Variants in TTBK2 observed in about 807,000 individuals in gnomAD.
TTBK2 encodes tau tubulin kinase 2.
A neutral mutation model predicts 110.8 loss-of-function variants in TTBK2; 28 were observed. The ratio of observed to expected loss-of-function variants is 0.25; its 90% CI spans 0.19 to 0.35. The LOEUF (loss-of-function observed/expected upper bound fraction) is 0.35, where lower values mean the gene tolerates loss of function less well. Ranked by LOEUF, TTBK2 falls within the 10% of genes least tolerant of loss-of-function variation. The pLI, the probability that TTBK2 is intolerant of heterozygous loss-of-function variation, is 1.00. For synonymous variants in TTBK2, 532 were observed against 527.3 expected, an observed-to-expected ratio of 1.01 and a Z score of -0.12; for missense variants, 1,369 against 1,500.3, an observed-to-expected ratio of 0.91 and a Z score of 1.45.
chr15:42,875,019 T>C lies in TTBK2; in HGVS notation c.70-2261A>G, dbSNP rs575721481. On this transcript the variant is annotated intron_variant, in intron 2 of 14. Coordinates refer to ENST00000267890, the MANE Select transcript of TTBK2 (RefSeq NM_173500.4). ...AAAAATTGATACTTATGATTCTTTA[T>C]ATTTTGTCCATTAAATAAAACCTAG... 9.2e-5 allele frequency among the ~76,000 whole-genome samples: 14 copies of C among 152,102 alleles called. No homozygotes were observed. In the East Asian group the frequency reaches 2.7e-3, roughly 29 times the overall value.
chr15:42,883,591 G>T (rs1337488618), intron 1 of TTBK2, among the ~76,000 whole-genome samples: 2 of 151,324 alleles, frequency 1.3e-5, no homozygotes, highest in African/African-American at 4.9e-5. Context: ...TACACAAAGA[G>T]ATATCAGGAA....
intron 9 of TTBK2, among the ~76,000 whole-genome samples, chr15:42,804,155 T>C (rs576316419): frequency 6.6e-6 from 1 of 152,154 alleles, no homozygotes; most frequent in South Asian, 2.1e-4. Flanking sequence ...ATTAAAAATA[T>C]TAACAATGGC....
intron 6 of TTBK2, among the ~76,000 whole-genome samples, chr15:42,823,403 G>A (rs1892392492): frequency 6.6e-6 from 1 of 152,138 alleles, no homozygotes; most frequent in South Asian, 2.1e-4. Context: ...CCTACTTAAT[G>A]TAACTAATAC....
At chr15:42,775,858 C>G in intron 12 of TTBK2, 135 bp from the exon 13 acceptor site, 1 of 686,552 alleles carries the variant, frequency 1.5e-6, no homozygotes, top group Non-Finnish European at 2.3e-6. Flanking sequence ...GAAAGTTTCA[C>G]AGCATTGATA....
intron 3 of TTBK2, among the ~76,000 whole-genome samples, chr15:42,866,678 C>G (rs1894384224): frequency 6.6e-6 from 1 of 151,754 alleles, no homozygotes; most frequent in Non-Finnish European, 1.5e-5. Flanking sequence ...TAAAACATAC[C>G]CTAACAAACT....
chr15:42,818,103 T>C (rs925386746), intron 6 of TTBK2, among the ~76,000 whole-genome samples: 1 of 152,174 alleles, frequency 6.6e-6, no homozygotes, highest in East Asian at 1.9e-4. Context: ...AGAGATGAGG[T>C]CTCGCTCTGT....
intron 9 of TTBK2, among the ~76,000 whole-genome samples, chr15:42,805,737 G>T (rs1450120513): frequency 6.6e-6 from 1 of 152,134 alleles, no homozygotes; most frequent in East Asian, 1.9e-4. Context: ...ATTGAGTTCT[G>T]ACTACTGGGC....
At chr15:42,897,922 G>C (rs1437662071) in intron 1 of TTBK2, among the ~76,000 whole-genome samples, 1 of 151,806 alleles carries the variant, frequency 6.6e-6, no homozygotes, top group Non-Finnish European at 1.5e-5. Flanking sequence ...AGGCGCAGCG[G>C]CTCATGGCAG....
At chr15:42,817,208 A>G in intron 6 of TTBK2, 111 bp from the exon 7 acceptor site, 1 of 622,498 alleles carries the variant, frequency 1.6e-6, no homozygotes, top group Non-Finnish European at 2.4e-6. Context: ...GTCACAATAA[A>G]ACACTATTTA....
chr15:42,802,222 G>C (rs1891249144), intron 9 of TTBK2: 1 of 907,200 alleles, frequency 1.1e-6, no homozygotes, highest in South Asian at 1.3e-5. Flanking sequence ...AGTGATGGTG[G>C]TGATGCCTCC....
intron 14 of TTBK2, among the ~76,000 whole-genome samples, chr15:42,749,139 G>A (rs1299261672): frequency 6.6e-6 from 1 of 152,170 alleles, no homozygotes; most frequent in Non-Finnish European, 1.5e-5. Flanking sequence ...TTGTGGCTTT[G>A]TTTCATTCTC....
In TTBK2 at chr15:42,840,627, T is replaced by C. The variant is rs754194314; in HGVS notation, c.218-194A>G. 7.3e-6 allele frequency: 5 copies of C among 682,962 alleles called. No homozygotes were observed. In the African/African-American group the frequency reaches 8.9e-5, roughly 12 times the overall value. The allele number at this position is 682,962 out of a possible 1,614,324, so 42.3% of individuals were successfully genotyped here. ...CCAGGCACTGTACTATTCCTTTGTGTGGTCAAATAAATGACTATTTGAATG... is the reference window on the plus strand; with the variant it reads ...CCAGGCACTGTACTATTCCTTTGTGCGGTCAAATAAATGACTATTTGAATG... On this transcript the variant is annotated intron_variant, in intron 3 of 14. Transcript: ENST00000267890.
At chr15:42,778,541 G>T (rs907875459) in intron 11 of TTBK2, among the ~76,000 whole-genome samples, 1 of 152,066 alleles carries the variant, frequency 6.6e-6, no homozygotes, top group African/African-American at 2.4e-5. Flanking sequence ...GGTGGCACAC[G>T]CCTGTAATCC....
At chr15:42,846,779 T>C (rs1166041379) in intron 3 of TTBK2, among the ~76,000 whole-genome samples, 2 of 152,036 alleles carry the variant, frequency 1.3e-5, no homozygotes, top group Non-Finnish European at 2.9e-5. Context: ...GAGGAGAGGA[T>C]TGGAACTTTC....
intron 6 of TTBK2, 26 bp from the exon 7 acceptor site, chr15:42,817,123 A>G: frequency 6.3e-7 from 1 of 1,590,758 alleles, no homozygotes; most frequent in Non-Finnish European, 8.6e-7. Flanking sequence ...GCAAAGAATA[A>G]TAAATGAGCT....
intron 13 of TTBK2, among the ~76,000 whole-genome samples, chr15:42,764,435 C>T (rs955198959): frequency 1.3e-5 from 2 of 152,262 alleles, no homozygotes; most frequent in South Asian, 2.1e-4. Context: ...TCTTAGCAAA[C>T]GGCACACCAG....
At chr15:42,804,030 A>AAAAAAAAG (rs1555426199) in intron 9 of TTBK2, among the ~76,000 whole-genome samples, 5 of 127,258 alleles carry the variant, frequency 3.9e-5, no homozygotes, top group African/African-American at 7.0e-5. Flanking sequence ...AAAAAAAAAA[A>AAAAAAAAG]AGAGAGAGAT....
At chr15:42,820,145 C>T (rs915589549) in intron 6 of TTBK2, among the ~76,000 whole-genome samples, 17 of 152,102 alleles carry the variant, frequency 1.1e-4, no homozygotes, top group Non-Finnish European at 4.4e-5. Flanking sequence ...GAAATAATAC[C>T]AGTTTGCATA....
intron 9 of TTBK2, among the ~76,000 whole-genome samples, chr15:42,802,835 C>A (rs1361238673): frequency 6.6e-6 from 1 of 152,166 alleles, no homozygotes; most frequent in African/African-American, 2.4e-5. Flanking sequence ...AATCAGTGGG[C>A]TGGGGAAGGC....
Sources: gnomAD v4.1 joint callset for allele counts (sites outside exome capture counted in the v4.1 genomes callset) on GRCh38, gnomAD v4.1.1 for gene constraint, MANE v1.5 for transcripts, NCBI Gene and HGNC (gene_info 2026-07-23, HGNC 2026-07-21) for gene names.